BMP1: variants seen among roughly 807,000 people sequenced by gnomAD.
BMP1 encodes the protein bone morphogenetic protein 1.
In BMP1, 63 loss-of-function variants were observed where a neutral mutation model predicts 116.8. The observed-to-expected ratio is 0.54, with a 90% CI of 0.44 to 0.67. BMP1 has a LOEUF of 0.67. Ranked by LOEUF, BMP1 falls within the 30% of genes least tolerant of loss-of-function variation. BMP1 has a pLI of 0.00. For synonymous variants in BMP1, 536 were observed against 533.4 expected (o/e 1.00, Z -0.07); for missense variants, 1,183 against 1,358.9 (o/e 0.87, Z 2.04).
chr8:22,167,091 C>T lies in BMP1; in HGVS notation c.148+1538C>T, dbSNP rs142818287. On this transcript the variant is annotated intron_variant, in intron 1 of 19. Transcript: ENST00000306385. Reference sequence around the variant, plus strand: ...TTAATAGTGCTTAACACACAGTCAGCGCTAAATAAATGTGGGCTCCCTACT... The same window carrying T: ...TTAATAGTGCTTAACACACAGTCAGTGCTAAATAAATGTGGGCTCCCTACT... 5.9e-5 allele frequency among the ~76,000 whole-genome samples: 9 copies of T among 152,260 alleles called. 1 individual carries two copies. The highest frequency in any genetic ancestry group is 4.2e-4 in the South Asian group (2 of 4,816).
intron 8 of BMP1, 45 bp downstream of exon 8, chr8:22,180,528 C>G (rs766519750): frequency 5.2e-5 from 80 of 1,545,460 alleles, no homozygotes; most frequent in East Asian, 4.5e-5. Flanking sequence ...CCCTGCGGGT[C>G]CCCATACCTC....
chr8:22,207,094 C>G, intron 17 of BMP1, 113 bp downstream of exon 17: 1 of 1,515,538 alleles, frequency 6.6e-7, no homozygotes, highest in African/African-American at 1.4e-5. Flanking sequence ...CCCCAGGAGA[C>G]CCCAAGTCTG....
Position 22,209,463 on chromosome 8 carries a change from G to T in BMP1, c.2594G>T (p.Arg865Leu), listed in dbSNP as rs142443043. The T allele has an allele frequency of 6.2e-7, 1 of 1,614,152 alleles. No homozygotes were observed. The highest frequency in any genetic ancestry group is 8.5e-7 in the Non-Finnish European group (1 of 1,180,018). Residue 865 changes from arginine (R) to leucine (L), a missense_variant, in exon 19 of 20, where the codon CGG becomes CTG. Around this residue, in one of 4 missense-constraint regions of BMP1, gnomAD observed 956 missense variants for 1,135.2 expected, o/e 0.84. Transcript: ENST00000306385. ...SHATECGGQV[R>L]ADVKTKDLYS... Reference sequence around the variant, plus strand: ...CCTACAGAGTGCGGGGGCCAGGTACGGGCAGACGTGAAGACCAAGGACCTT... The same window carrying T: ...CCTACAGAGTGCGGGGGCCAGGTACTGGCAGACGTGAAGACCAAGGACCTT...
At chr8:22,182,712 T>A (rs1301571674) in intron 8 of BMP1, among the ~76,000 whole-genome samples, 3 of 152,234 alleles carry the variant, frequency 2.0e-5, no homozygotes, top group African/African-American at 7.2e-5. Flanking sequence ...TCTGTTTCAC[T>A]GGGGATTGAC....
intron 1 of BMP1, chr8:22,171,790 C>T (rs1429905536): frequency 6.6e-6 from 1 of 152,234 alleles, no homozygotes; most frequent in Non-Finnish European, 1.5e-5. Context: ...ATGACTGCCA[C>T]AGTCACTCCC....
Position 22,184,665 on chromosome 8 carries a change from A to G in BMP1, c.1077+4182A>G, listed in dbSNP as rs143125261. ...TACCACGGAAAGCATTAGGCACCTT[A>G]CATGCCGGACCTCGCTATTCCCCAT... On this transcript the variant is annotated intron_variant, in intron 8 of 19. Coordinates refer to ENST00000306385, the MANE Select transcript of BMP1 (RefSeq NM_006129.5). Among the ~76,000 whole-genome samples, 58 of 152,328 alleles carry G rather than the reference A, an allele frequency of 3.8e-4. 1 individual carries two copies. Among genetic ancestry groups the G allele is most frequent in the African/African-American group, 1.4e-3 (57 of 41,574 alleles).
chr8:22,181,813 C>T (rs1828630859), intron 8 of BMP1, among the ~76,000 whole-genome samples: 1 of 152,168 alleles, frequency 6.6e-6, no homozygotes, highest in African/African-American at 2.4e-5. Context: ...GCTCAGGCTT[C>T]CAAAGTGCTG....
intron 2 of BMP1, among the ~76,000 whole-genome samples, chr8:22,173,946 A>C (rs2131845071): frequency 6.6e-6 from 1 of 152,348 alleles, no homozygotes; most frequent in East Asian, 1.9e-4. Context: ...TACAGTTTAA[A>C]AACCACTTTC....
chr8:22,201,992 A>G (rs1180519359), intron 16 of BMP1, 64 bp downstream of exon 16: 1 of 1,552,402 alleles, frequency 6.4e-7, no homozygotes, highest in Non-Finnish European at 8.7e-7. Context: ...GGAAGCCCAG[A>G]GGATCATCTC....
intron 19 of BMP1, 92 bp downstream of exon 19, chr8:22,209,787 C>T: frequency 7.0e-7 from 1 of 1,420,724 alleles, no homozygotes; most frequent in Non-Finnish European, 9.6e-7. Context: ...GACCTAGCGC[C>T]CACACAGGCC....
intron 2 of BMP1, among the ~76,000 whole-genome samples, chr8:22,174,716 T>C (rs1828382739): frequency 7.1e-6 from 1 of 140,756 alleles, no homozygotes; most frequent in Non-Finnish European, 1.5e-5. Context: ...CACTGCAACC[T>C]CTACCTCCTG....
Position 22,180,453 on chromosome 8 carries a change from G to T in BMP1, c.1047G>T (p.Val349=), listed in dbSNP as rs1361642776. 2.5e-6 allele frequency: 4 copies of T among 1,613,884 alleles called. No homozygotes were observed. The highest frequency in any genetic ancestry group is 3.4e-6 in the Non-Finnish European group (4 of 1,179,962). The change falls in exon 8 of 20, where the codon GTG becomes GTT. Residue 349 remains valine (V), a synonymous_variant. Transcript: ENST00000306385. ...PNGYSAHMHC[V]WRISVTPGEK... Reference sequence around the variant, plus strand: ...GCTACTCTGCTCACATGCACTGCGTGTGGCGCATCTCTGTCACACCCGGGG... The same window carrying T: ...GCTACTCTGCTCACATGCACTGCGTTTGGCGCATCTCTGTCACACCCGGGG...
At chr8:22,204,962 G>C (rs1327597074) in intron 16 of BMP1, among the ~76,000 whole-genome samples, 2 of 152,178 alleles carry the variant, frequency 1.3e-5, no homozygotes, top group Admixed American at 6.5e-5. Context: ...AGAGCGTGAG[G>C]CTGGATCATT....
chr8:22,189,218 G>A (rs1176088134), intron 8 of BMP1, among the ~76,000 whole-genome samples: 1 of 151,962 alleles, frequency 6.6e-6, no homozygotes, highest in Non-Finnish European at 1.5e-5. Flanking sequence ...ATGTAAGCAT[G>A]GATGAGTATA....
intron 17 of BMP1, 101 bp from the exon 18 acceptor site, chr8:22,207,202 C>A: frequency 7.0e-7 from 1 of 1,419,122 alleles, no homozygotes; most frequent in Non-Finnish European, 9.7e-7. Context: ...GCTGTGGCTG[C>A]TCCCATGGGT....
At chr8:22,195,438 G>T (rs1371756668) in intron 12 of BMP1, 24 bp from the exon 13 acceptor site, 1 of 1,589,260 alleles carries the variant, frequency 6.3e-7, no homozygotes, top group Non-Finnish European at 8.5e-7. Flanking sequence ...TGGAGTCTGT[G>T]ACACCCTTTC....
chr8:22,186,402 C>T (rs1308798379), intron 8 of BMP1, among the ~76,000 whole-genome samples: 1 of 152,176 alleles, frequency 6.6e-6, no homozygotes, highest in African/African-American at 2.4e-5. Flanking sequence ...GCAGCTGTGC[C>T]ACGTACTGGC....
intron 8 of BMP1, among the ~76,000 whole-genome samples, chr8:22,188,021 A>T (rs1306956915): frequency 6.6e-6 from 1 of 152,132 alleles, no homozygotes; most frequent in Non-Finnish European, 1.5e-5. Context: ...CACTGTGGCC[A>T]GAAGAGAGGT....
Position 22,196,748 on chromosome 8 carries a change from C to G in BMP1, c.1834C>G (p.Pro612Ala). 1 of 1,613,976 alleles carries G rather than the reference C, an allele frequency of 6.2e-7. No homozygotes were observed. Among genetic ancestry groups the G allele is most frequent in the Admixed American group, 1.7e-5 (1 of 59,996 alleles). The change falls in exon 14 of 20, where the codon CCC (proline) becomes GCC (alanine). Residue 612 changes from proline to alanine, a missense_variant. Pro to Ala is a conservative substitution (Grantham distance 27). Coordinates refer to ENST00000306385, the MANE Select transcript of BMP1 (RefSeq NM_006129.5). The part of the protein sequence containing the change: ...ITSPGWPKEY[P>A]PNKNCIWQLV... ...CAGCCCGGGCTGGCCCAAGGAGTAC[C>G]CCCCCAACAAGAACTGCATCTGGCA...
Sources: gnomAD v4.1 joint callset for allele counts (sites outside exome capture counted in the v4.1 genomes callset) on GRCh38, gnomAD v4.1.1 for gene constraint, gnomAD v4.1.1 regional missense constraint, MANE v1.5 for transcripts, NCBI Gene and HGNC (gene_info 2026-07-23, HGNC 2026-07-21) for gene names.